ROBO2: variants seen among roughly 807,000 people sequenced by gnomAD.
ROBO2 encodes the protein roundabout homolog 2.
A neutral mutation model predicts 160.8 loss-of-function variants in ROBO2; 53 were observed. That is an observed-to-expected ratio of 0.33 (90% CI 0.26 to 0.41). The LOEUF (loss-of-function observed/expected upper bound fraction) is 0.41. Among genes scored for constraint, ROBO2 ranks in the 10% least tolerant of loss-of-function variants. The pLI, the probability that ROBO2 is intolerant of heterozygous loss-of-function variation, is 1.00. For missense variants in ROBO2, 1,577 were observed against 1,722.4 expected (o/e 0.92, Z 1.49); for synonymous variants, 664 against 611.7 (o/e 1.09, Z -1.26).
At chr3:76,637,141 G>A (rs2090386618) in intron 2 of ROBO2, among the ~76,000 whole-genome samples, 1 of 152,118 alleles carries the variant, frequency 6.6e-6, no homozygotes, top group South Asian at 2.1e-4. Context: ...CCAGTCAGGA[G>A]GACTATACAG....
chr3:77,239,133 C>T (rs1560314404), intron 2 of ROBO2, among the ~76,000 whole-genome samples: 1 of 148,062 alleles, frequency 6.8e-6, no homozygotes, highest in Admixed American at 6.6e-5. Context: ...AATGAAGCCA[C>T]GGACCCTCAC....
intron 2 of ROBO2, among the ~76,000 whole-genome samples, chr3:76,794,547 TCTC>T (rs1206169683): frequency 6.6e-6 from 1 of 152,032 alleles, no homozygotes; most frequent in African/African-American, 2.4e-5. Flanking sequence ...AAAATGGTTT[TCTC>T]TGTCTGAACA....
intron 1 of ROBO2, chr3:75,937,361 C>T (rs1445146729): frequency 9.4e-6 from 4 of 424,920 alleles, no homozygotes; most frequent in Admixed American, 4.3e-5. Context: ...AATGTACCTC[C>T]TTGTAAGCAG....
chr3:76,415,112 G>A (rs1365918773), intron 2 of ROBO2, among the ~76,000 whole-genome samples: 2 of 152,114 alleles, frequency 1.3e-5, no homozygotes, highest in African/African-American at 4.8e-5. Context: ...TTTGATCTCT[G>A]TAAGTAAAAA....
chr3:77,486,616 T>A (rs1248789055), intron 4 of ROBO2, among the ~76,000 whole-genome samples: 1 of 152,194 alleles, frequency 6.6e-6, no homozygotes, highest in African/African-American at 2.4e-5. Flanking sequence ...TGGGGTTGTT[T>A]GTTTTTTCTT....
At chr3:77,471,650 G>T (rs1468443470) in intron 2 of ROBO2, among the ~76,000 whole-genome samples, 3 of 152,152 alleles carry the variant, frequency 2.0e-5, no homozygotes, top group Non-Finnish European at 4.4e-5. Context: ...ACTGACAATA[G>T]ACATATTAAC....
intron 3 of ROBO2, among the ~76,000 whole-genome samples, chr3:77,480,595 CA>C (rs2153588174): frequency 6.6e-6 from 1 of 152,188 alleles, no homozygotes; most frequent in African/African-American, 2.4e-5. Context: ...TTAATATTAA[CA>C]GTTGAAATGT....
intron 2 of ROBO2, among the ~76,000 whole-genome samples, chr3:76,964,425 C>T (rs1345826996): frequency 6.6e-6 from 1 of 152,122 alleles, no homozygotes; most frequent in Non-Finnish European, 1.5e-5. Flanking sequence ...TCACTGCAAC[C>T]TCCGCCTCCC....
chr3:77,477,666 T>A, intron 3 of ROBO2, 95 bp downstream of exon 3: 1 of 1,257,488 alleles, frequency 8.0e-7, no homozygotes. Flanking sequence ...ATTAATACAA[T>A]TGTATTTGAA....
intron 2 of ROBO2, among the ~76,000 whole-genome samples, chr3:77,189,310 A>T (rs765104453): frequency 6.6e-6 from 1 of 151,898 alleles, no homozygotes; most frequent in African/African-American, 2.4e-5. Context: ...AAACTGAAGA[A>T]GTTACAGGTT....
intron 2 of ROBO2, among the ~76,000 whole-genome samples, chr3:76,246,692 G>A (rs1186801490): frequency 3.3e-5 from 5 of 152,108 alleles, no homozygotes; most frequent in Non-Finnish European, 5.9e-5. Context: ...TTTATTTTGA[G>A]TGAGAATTTT....
At chr3:77,011,097 A>G (rs974813908) in intron 2 of ROBO2, among the ~76,000 whole-genome samples, 2 of 33,108 alleles carry the variant, frequency 6.0e-5, no homozygotes, top group Non-Finnish European at 6.4e-5. Context: ...TTTTCTTTCT[A>G]TCTTTCTTCT....
chr3:76,430,009 C>G (rs568709036), intron 2 of ROBO2, among the ~76,000 whole-genome samples: 1 of 152,082 alleles, frequency 6.6e-6, no homozygotes, highest in Non-Finnish European at 1.5e-5. Context: ...ACACTGGGAA[C>G]AAAGTGAGCC....
chr3:76,826,594 C>A (rs1447528251), intron 2 of ROBO2, among the ~76,000 whole-genome samples: 2 of 152,084 alleles, frequency 1.3e-5, no homozygotes, highest in Non-Finnish European at 2.9e-5. Context: ...TAGAGGTATG[C>A]AGGACCTCCC....
chr3:76,723,932 A>C (rs917591481), intron 2 of ROBO2, among the ~76,000 whole-genome samples: 8 of 152,126 alleles, frequency 5.3e-5, no homozygotes, highest in African/African-American at 1.9e-4. Context: ...CTGCATCACA[A>C]GCTCTCCAAA....
intron 2 of ROBO2, among the ~76,000 whole-genome samples, chr3:75,956,147 T>C (rs1948717890): frequency 6.6e-6 from 1 of 151,792 alleles, no homozygotes; most frequent in Admixed American, 6.6e-5. Context: ...TAGCCCAAGG[T>C]ACCTTGTTTA....
chr3:77,168,014 A>C (rs2079262068), intron 2 of ROBO2, among the ~76,000 whole-genome samples: 1 of 152,236 alleles, frequency 6.6e-6, no homozygotes, highest in South Asian at 2.1e-4. Context: ...AGAAAAAATA[A>C]TGAACTTAAT....
At chr3:77,538,806 T>C in intron 6 of ROBO2, 1 of 447,400 alleles carries the variant, frequency 2.2e-6, no homozygotes, top group South Asian at 1.6e-5. Flanking sequence ...AGTAAACATT[T>C]ATCTCTTACT....
chr3:76,321,839 C>T (rs1244529396), intron 2 of ROBO2, among the ~76,000 whole-genome samples: 1 of 152,108 alleles, frequency 6.6e-6, no homozygotes, highest in African/African-American at 2.4e-5. Flanking sequence ...GGGAACAATT[C>T]TGTGTGCGTT....
Sources: gnomAD v4.1 joint callset for allele counts (sites outside exome capture counted in the v4.1 genomes callset) on GRCh38, gnomAD v4.1.1 for gene constraint, MANE v1.5 for transcripts, NCBI Gene and HGNC (gene_info 2026-07-23, HGNC 2026-07-21) for gene names.